The following ARSG variants were observed in gnomAD, a reference collection of about 807,000 sequenced individuals.
ARSG encodes arylsulfatase G.
In ARSG, 37 loss-of-function variants were observed where a neutral mutation model predicts 50.5. That is an observed-to-expected ratio of 0.73 (90% CI 0.56 to 0.96). ARSG has a LOEUF of 0.96. Among genes scored for constraint, ARSG ranks in the 50% least tolerant of loss-of-function variants. The pLI is 0.00. For synonymous variants in ARSG, 225 were observed against 254.6 expected (o/e 0.88, Z 1.11); for missense variants, 629 against 675.3 (o/e 0.93, Z 0.76).
chr17:68,347,258 G>T, intron 4 of ARSG, 86 bp downstream of exon 4: 1 of 1,451,728 alleles, frequency 6.9e-7, no homozygotes, highest in Non-Finnish European at 9.6e-7. Flanking sequence ...AAGCCATCCT[G>T]TCTCTGGGGG....
intron 11 of ARSG, among the ~76,000 whole-genome samples, chr17:68,408,496 G>T (rs371145118): frequency 5.3e-5 from 8 of 151,612 alleles, no homozygotes; most frequent in African/African-American, 1.5e-4. Context: ...GGTGTATATG[G>T]GCCACATTTT....
rs147682084 is a variant in ARSG, at chr17:68,394,736, T to C, written c.1092-337T>C. Among the ~76,000 whole-genome samples, 380 of 152,314 alleles carry C rather than the reference T, an allele frequency of 2.5e-3. 3 individuals carry two copies. The highest frequency in any genetic ancestry group is 8.8e-3 in the African/African-American group (364 of 41,558). ...GCCCTTAGAATGTGTCTCTCTCTGA[T>C]AAGGGGGGACTACTATATTATTAAA... is the stretch of plus-strand genomic sequence containing the variant. On this transcript the variant is annotated intron_variant, in intron 9 of 11. Transcript: ENST00000621439.
chr17:68,387,539 C>T (rs974725582), intron 9 of ARSG, among the ~76,000 whole-genome samples: 9 of 152,180 alleles, frequency 5.9e-5, no homozygotes, highest in Non-Finnish European at 8.8e-5. Flanking sequence ...CAAATTTGGG[C>T]GGAGTTTCCT....
chr17:68,383,115 C>T (rs1011004891), intron 8 of ARSG, among the ~76,000 whole-genome samples: 1 of 152,130 alleles, frequency 6.6e-6, no homozygotes, highest in Admixed American at 6.5e-5. Flanking sequence ...CACATTGAAA[C>T]GTTTTTCTCT....
Position 68,420,250 on chromosome 17 carries a change from T to A in ARSG, c.1365T>A (p.Ile455=), listed in dbSNP as rs1163329395. The A allele has an allele frequency of 1.2e-6, 2 of 1,614,110 alleles. No individual in the cohort carries two copies. The highest frequency in any genetic ancestry group is 2.2e-5 in the South Asian group (2 of 91,076). The change falls in exon 12 of 12, where the codon ATT becomes ATA. Residue 455 remains isoleucine, a synonymous_variant. Transcript: ENST00000621439. ...AGCTGCAGCATAAGTTTCCTCTGAT[T>A]TTCAACCTGGAAGACGATACCGCAG... ...GPELQHKFPL[I]FNLEDDTAEA...
chr17:68,395,406 G>C (rs1185470515), intron 10 of ARSG, among the ~76,000 whole-genome samples: 1 of 152,224 alleles, frequency 6.6e-6, no homozygotes. Context: ...TGACCAAGAT[G>C]GTGAAACCTC....
chr17:68,362,706 T>G (rs1406675246), intron 6 of ARSG, among the ~76,000 whole-genome samples: 1 of 152,230 alleles, frequency 6.6e-6, no homozygotes, highest in African/African-American at 2.4e-5. Context: ...GAGTATTTCC[T>G]TTGAGTGTCA....
intron 1 of ARSG, among the ~76,000 whole-genome samples, chr17:68,283,476 G>C (rs559776243): frequency 1.3e-5 from 2 of 149,644 alleles, no homozygotes; most frequent in Non-Finnish European, 1.5e-5. Flanking sequence ...AGCCGAGATC[G>C]CGCCACTGCA....
chr17:68,426,251 G>GGGGGGGGT, downstream of ARSG: 5 of 825,456 alleles, frequency 6.1e-6, no homozygotes, highest in South Asian at 2.6e-5. Context: ...GTGGGGAGCG[G>GGGGGGGGT]GGGCTCAAAT....
intron 8 of ARSG, among the ~76,000 whole-genome samples, chr17:68,374,169 A>AG (rs1319023293): frequency 7.6e-5 from 11 of 144,168 alleles, no homozygotes; most frequent in Middle Eastern, 3.3e-3. Context: ...AAAAAAAAAA[A>AG]AAAAAAGAAA....
chr17:68,363,746 C>G (rs1203540829), intron 6 of ARSG, among the ~76,000 whole-genome samples: 1 of 151,888 alleles, frequency 6.6e-6, no homozygotes, highest in Admixed American at 6.6e-5. Flanking sequence ...GGATTACAGG[C>G]GTGAGCCATC....
At chr17:68,304,736 G>C (rs2145538689) in intron 1 of ARSG, among the ~76,000 whole-genome samples, 1 of 152,280 alleles carries the variant, frequency 6.6e-6, no homozygotes, top group African/African-American at 2.4e-5. Context: ...CACTATGTTG[G>C]ACAGGCTGAT....
intron 9 of ARSG, among the ~76,000 whole-genome samples, chr17:68,394,329 C>T (rs2081135919): frequency 6.6e-6 from 1 of 152,078 alleles, no homozygotes; most frequent in South Asian, 2.1e-4. Flanking sequence ...TGATCGGGCG[C>T]AGTGGCTCAT....
At chr17:68,274,101 C>G in intron 1 of ARSG, 1 of 1,603,160 alleles carries the variant, frequency 6.2e-7, no homozygotes. Context: ...GATATTTTAA[C>G]TCACAGAGGC....
the ARSG span, among the ~76,000 whole-genome samples, chr17:68,444,766 C>T: frequency 6.6e-6 from 1 of 152,256 alleles, no homozygotes; most frequent in Admixed American, 6.5e-5. Context: ...TGTAATCATC[C>T]ACCTGAACAC....
the ARSG span, among the ~76,000 whole-genome samples, chr17:68,435,918 C>T: frequency 2.6e-5 from 4 of 152,252 alleles, no homozygotes; most frequent in Non-Finnish European, 4.4e-5. Flanking sequence ...ATTTCCATCC[C>T]TTTTCCTGCC....
chr17:68,281,530 G>A (rs539745031), intron 1 of ARSG, among the ~76,000 whole-genome samples: 78 of 152,206 alleles, frequency 5.1e-4, no homozygotes, highest in African/African-American at 1.6e-3. Context: ...AGCCGAGATC[G>A]TGCCACTGTA....
downstream of ARSG, chr17:68,426,305 G>C: frequency 4.1e-6 from 3 of 733,310 alleles, no homozygotes; most frequent in South Asian, 4.9e-5. Context: ...TCCCCCTGGA[G>C]GTACTGTGCC....
downstream of ARSG, among the ~76,000 whole-genome samples, chr17:68,423,313 T>C (rs1022876864): frequency 2.0e-5 from 3 of 152,196 alleles, no homozygotes; most frequent in African/African-American, 7.2e-5. This position sits in a 1 kb window ranked among gnomAD's most constrained non-coding sequence, Gnocchi z 4.4. Flanking sequence ...GCCATATTGA[T>C]AGAGCATCCC....
Sources: allele counts gnomAD v4.1 joint callset (sites outside exome capture counted in the v4.1 genomes callset), GRCh38; gene constraint gnomAD v4.1.1; non-coding constraint Gnocchi (gnomAD v3.1); transcripts MANE v1.5; gene names NCBI Gene and HGNC (gene_info 2026-07-23, HGNC 2026-07-21).